The following TGFBR3 variants were observed in gnomAD, a reference collection of about 807,000 sequenced individuals.
TGFBR3 encodes transforming growth factor beta receptor 3, also known as transforming growth factor beta receptor type 3.
TGFBR3 carries 46 observed loss-of-function variants against 87.9 expected under a neutral mutation model. That is an observed-to-expected ratio of 0.52 (90% CI 0.41 to 0.67). The LOEUF (loss-of-function observed/expected upper bound fraction) is 0.67. Ranked by LOEUF, TGFBR3 falls within the 30% of genes least tolerant of loss-of-function variation. The probability of loss-of-function intolerance (pLI) is 0.00; values close to 1 mark genes in which losing one functional copy is unlikely to be tolerated. For missense variants in TGFBR3, 866 were observed against 1,041.9 expected (o/e 0.83, Z 2.32); for synonymous variants, 381 against 391.6 (o/e 0.97, Z 0.32).
At chr1:91,839,481 G>A (rs368653428) in intron 2 of TGFBR3, among the ~76,000 whole-genome samples, 2 of 152,158 alleles carry the variant, frequency 1.3e-5, no homozygotes, top group Admixed American at 6.5e-5. Context: ...CTTTACACCA[G>A]AGAATTCTGG....
At chr1:91,885,440 C>T (rs1679258965) in intron 1 of TGFBR3, among the ~76,000 whole-genome samples, 1 of 152,120 alleles carries the variant, frequency 6.6e-6, no homozygotes, top group South Asian at 2.1e-4. Flanking sequence ...ACGCAAACCG[C>T]GTCCGTGCAC....
chr1:91,827,780 G>A (rs982974501), intron 2 of TGFBR3, among the ~76,000 whole-genome samples: 2 of 152,168 alleles, frequency 1.3e-5, no homozygotes, highest in Non-Finnish European at 2.9e-5. Context: ...TAGCCAACCT[G>A]TTAACAACAA....
intron 1 of TGFBR3, among the ~76,000 whole-genome samples, chr1:91,865,907 G>A (rs1275623694): frequency 4.6e-5 from 5 of 109,134 alleles, no homozygotes; most frequent in African/African-American, 7.6e-5. Context: ...GCGAGACTAC[G>A]TCTCCCAAAA....
rs957231039 is a variant in TGFBR3, at chr1:91,720,101, G to A, written c.1205C>T (p.Pro402Leu). Residue 402 changes from proline to leucine, a missense_variant, in exon 9 of 17, where the codon CCG becomes CTG. Transcript: ENST00000212355. ...RGGEGQNGGL[P>L]FPFPDISRRV... ...CCTGGAAATATCTGGGAAAGGAAACGGAAGGCCTCCATTTTGGCCTTCCCC... is the reference window on the plus strand; with the variant it reads ...CCTGGAAATATCTGGGAAAGGAAACAGAAGGCCTCCATTTTGGCCTTCCCC... 4.3e-6 allele frequency: 7 copies of A among 1,614,124 alleles called. No homozygotes were observed. The highest frequency in any genetic ancestry group is 1.1e-5 in the South Asian group (1 of 91,074).
intron 1 of TGFBR3, among the ~76,000 whole-genome samples, chr1:91,903,383 C>T (rs1164516198): frequency 7.0e-6 from 1 of 143,848 alleles, no homozygotes; most frequent in Non-Finnish European, 1.5e-5. Flanking sequence ...GTCTGGACCT[C>T]TGTCTCATAA....
chr1:91,868,976 T>C (rs1352176138), intron 1 of TGFBR3, among the ~76,000 whole-genome samples: 1 of 152,142 alleles, frequency 6.6e-6, no homozygotes, highest in South Asian at 2.1e-4. Flanking sequence ...AAGCTCATCT[T>C]CTGCACACTC....
intron 4 of TGFBR3, among the ~76,000 whole-genome samples, chr1:91,738,907 G>C (rs1673053058): frequency 3.3e-5 from 5 of 152,160 alleles, no homozygotes; most frequent in Admixed American, 3.3e-4. Context: ...GCACAATAAG[G>C]TCACTGAGAA....
intron 12 of TGFBR3, among the ~76,000 whole-genome samples, chr1:91,714,170 G>A (rs1672083014): frequency 6.6e-6 from 1 of 151,926 alleles, no homozygotes; most frequent in Non-Finnish European, 1.5e-5. Flanking sequence ...GCTGGGCACC[G>A]AGACTCAGTT....
intron 2 of TGFBR3, among the ~76,000 whole-genome samples, chr1:91,829,338 T>C (rs1676766442): frequency 6.6e-6 from 1 of 150,742 alleles, no homozygotes. Context: ...ATTGCCCCAC[T>C]GCACTCTAGC....
chr1:91,876,065 C>A (rs1678796012), intron 1 of TGFBR3, among the ~76,000 whole-genome samples: 1 of 151,718 alleles, frequency 6.6e-6, no homozygotes, highest in South Asian at 2.1e-4. Flanking sequence ...CAACTTTGCA[C>A]TCCGTACTTC....
At chr1:91,789,464 G>A (rs1241561844) in intron 3 of TGFBR3, among the ~76,000 whole-genome samples, 1 of 152,184 alleles carries the variant, frequency 6.6e-6, no homozygotes, top group Non-Finnish European at 1.5e-5. Context: ...CGGGGCAGGG[G>A]CTGTACTTTC....
Position 91,729,814 on chromosome 1 carries a change from T to C in TGFBR3, c.728A>G (p.Asn243Ser). The change falls in exon 6 of 17, where the codon AAC becomes AGC. Residue 243 changes from asparagine (N) to serine (S), a missense_variant. By Grantham distance (46) the Asn-to-Ser change is conservative (BLOSUM62 1). Coordinates refer to ENST00000212355, the MANE Select transcript of TGFBR3 (RefSeq NM_003243.5). The part of the protein sequence containing the change: ...HIIELITPNS[N>S]PYSAFQVDIT... ...ACTTAGACTCACTTACCTGTAGGGG[T>C]TAGAGTTGGGGGTGATTAGCTCGAT... 2 of 1,614,026 alleles carry C rather than the reference T, an allele frequency of 1.2e-6. No individual in the cohort carries two copies. The highest frequency in any genetic ancestry group is 1.7e-6 in the Non-Finnish European group (2 of 1,179,980).
intron 2 of TGFBR3, among the ~76,000 whole-genome samples, chr1:91,821,107 A>G (rs949821367): frequency 7.6e-4 from 115 of 152,284 alleles, no homozygotes; most frequent in Admixed American, 2.3e-3. Context: ...AGGCAGGCAG[A>G]TCACCCAAGG....
chr1:91,861,334 A>C, intron 2 of TGFBR3, 137 bp downstream of exon 2: 2 of 710,838 alleles, frequency 2.8e-6, no homozygotes, highest in South Asian at 3.0e-5. Flanking sequence ...CAGGAGGTAG[A>C]GCCTACAGTA....
chr1:91,697,512 T>C (rs1366856607), intron 15 of TGFBR3, among the ~76,000 whole-genome samples: 1 of 152,230 alleles, frequency 6.6e-6, no homozygotes, highest in Non-Finnish European at 1.5e-5. Context: ...GGCAGGAATA[T>C]TTCTGGGTCA....
At chr1:91,825,978 C>CAA (rs59220803) in intron 2 of TGFBR3, among the ~76,000 whole-genome samples, 3,164 of 148,326 alleles carry the variant, frequency 0.021, 129 homozygotes, top group African/African-American at 0.067. Context: ...GACCCCATCT[C>CAA]AAAAAAAAAA....
At chr1:91,893,406 C>T (rs947595563) in intron 2 of TGFBR3, among the ~76,000 whole-genome samples, 1 of 152,010 alleles carries the variant, frequency 6.6e-6, no homozygotes, top group Non-Finnish European at 1.5e-5. Context: ...TGCCTCAGCT[C>T]TCAAGTGGCT....
chr1:91,748,952 C>T (rs547537469), intron 4 of TGFBR3, among the ~76,000 whole-genome samples: 12 of 152,174 alleles, frequency 7.9e-5, no homozygotes, highest in African/African-American at 1.9e-4. Flanking sequence ...ACCTCACACA[C>T]GGCACACACT....
chr1:91,773,573 C>T (rs907504541), intron 3 of TGFBR3, among the ~76,000 whole-genome samples: 3 of 152,260 alleles, frequency 2.0e-5, no homozygotes, highest in Middle Eastern at 6.8e-3. Flanking sequence ...CTCAGCTAAT[C>T]AGGAGGCTGA....
Sources: gnomAD v4.1 joint callset for allele counts (sites outside exome capture counted in the v4.1 genomes callset) on GRCh38, gnomAD v4.1.1 for gene constraint, MANE v1.5 for transcripts, NCBI Gene and HGNC (gene_info 2026-07-23, HGNC 2026-07-21) for gene names.